Variants in RGL1 observed in about 807,000 individuals in gnomAD.
The protein encoded by RGL1 is ral guanine nucleotide dissociation stimulator like 1.
RGL1 carries 24 observed loss-of-function variants against 95.2 expected under a neutral mutation model. The observed-to-expected ratio is 0.25, with a 90% CI of 0.18 to 0.35. RGL1 has a LOEUF of 0.35. RGL1 is among the 10% of genes least tolerant of loss of function. The pLI, the probability that RGL1 is intolerant of heterozygous loss-of-function variation, is 1.00. For missense variants in RGL1, 715 were observed against 936.3 expected (o/e 0.76, Z 3.08); for synonymous variants, 329 against 344.9 (o/e 0.95, Z 0.51).
At chr1:183,847,881 A>G (rs1664551452) in intron 3 of RGL1, 107 bp downstream of exon 3, 2 of 812,758 alleles carry the variant, frequency 2.5e-6, no homozygotes, top group Non-Finnish European at 4.0e-6. Context: ...GAGATATGTG[A>G]GGAAAGATTA....
intron 2 of RGL1, among the ~76,000 whole-genome samples, chr1:183,818,450 T>A (rs986272146): frequency 1.3e-5 from 2 of 152,266 alleles, no homozygotes; most frequent in African/African-American, 4.8e-5. Flanking sequence ...TGATGAATCC[T>A]ACTTAACCCT....
intron 1 of RGL1, among the ~76,000 whole-genome samples, chr1:183,703,842 G>A (rs1045324382): frequency 6.6e-6 from 1 of 152,182 alleles, no homozygotes; most frequent in African/African-American, 2.4e-5. Context: ...GGCAGATAGA[G>A]CAGGACTGGG....
chr1:183,857,378 A>G (rs1665222216), intron 3 of RGL1, among the ~76,000 whole-genome samples: 1 of 152,228 alleles, frequency 6.6e-6, no homozygotes, highest in South Asian at 2.1e-4. Flanking sequence ...TTACAGAACT[A>G]TAAAATAGTA....
At chr1:183,640,993 T>C (rs897116389) in intron 1 of RGL1, among the ~76,000 whole-genome samples, 8 of 152,254 alleles carry the variant, frequency 5.3e-5, no homozygotes, top group Admixed American at 5.2e-4. Flanking sequence ...ATCTTTGAAT[T>C]TATGAGTGTA....
chr1:183,906,779 T>C (rs1212398533), intron 13 of RGL1, among the ~76,000 whole-genome samples: 1 of 136,806 alleles, frequency 7.3e-6, no homozygotes, highest in African/African-American at 2.7e-5. Context: ...CAGAACTAAA[T>C]AGCCTCAATC....
At chr1:183,720,089 G>A (rs1466763891) in intron 1 of RGL1, among the ~76,000 whole-genome samples, 3 of 151,942 alleles carry the variant, frequency 2.0e-5, no homozygotes, top group African/African-American at 7.3e-5. Context: ...AAAAATTAGC[G>A]TTAAAAAAAT....
intron 1 of RGL1, among the ~76,000 whole-genome samples, chr1:183,735,084 T>A (rs941530613): frequency 2.6e-4 from 39 of 152,080 alleles, no homozygotes; most frequent in Non-Finnish European, 4.9e-4. Flanking sequence ...TTTTTAATTA[T>A]TAAAAACTTT....
chr1:183,709,042 A>T (rs1655100448), intron 1 of RGL1, among the ~76,000 whole-genome samples: 4 of 152,164 alleles, frequency 2.6e-5, no homozygotes. Context: ...GCACCAAATG[A>T]GACCGGGCAG....
intron 3 of RGL1, among the ~76,000 whole-genome samples, chr1:183,851,430 C>T (rs1346979555): frequency 6.6e-6 from 1 of 152,154 alleles, no homozygotes. Context: ...TTGGAATGCC[C>T]TCTGCATAAT....
intron 1 of RGL1, among the ~76,000 whole-genome samples, chr1:183,673,262 A>G (rs1652592159): frequency 6.6e-6 from 1 of 152,218 alleles, no homozygotes; most frequent in African/African-American, 2.4e-5. Flanking sequence ...TCAGACCTGG[A>G]CCAGTTTAAT....
intron 17 of RGL1, among the ~76,000 whole-genome samples, chr1:183,924,569 C>T (rs1669503048): frequency 6.6e-6 from 1 of 152,076 alleles, no homozygotes; most frequent in Non-Finnish European, 1.5e-5. Flanking sequence ...CACATATATA[C>T]CTGTGTAACA....
intron 2 of RGL1, among the ~76,000 whole-genome samples, chr1:183,799,158 T>C (rs2102398196): frequency 6.6e-6 from 1 of 152,276 alleles, no homozygotes; most frequent in Non-Finnish European, 1.5e-5. Flanking sequence ...TGCCTCGGCC[T>C]CCCAAAGTGC....
At chr1:183,779,376 G>A (rs1270885435) in intron 2 of RGL1, among the ~76,000 whole-genome samples, 1 of 152,014 alleles carries the variant, frequency 6.6e-6, no homozygotes, top group Non-Finnish European at 1.5e-5. Context: ...AGCCTCCTTA[G>A]TAGCTGGGAT....
intron 2 of RGL1, among the ~76,000 whole-genome samples, chr1:183,766,648 T>C (rs1354548943): frequency 6.6e-6 from 1 of 152,216 alleles, no homozygotes; most frequent in Non-Finnish European, 1.5e-5. Flanking sequence ...TCAGAACTTA[T>C]AAAAGTAAGT....
chr1:183,791,644 C>T (rs1341998448), intron 2 of RGL1, among the ~76,000 whole-genome samples: 1 of 152,122 alleles, frequency 6.6e-6, no homozygotes, highest in Non-Finnish European at 1.5e-5. Context: ...TTTTTTAAAA[C>T]TTTTCTATGT....
chr1:183,728,689 T>C (rs1656448830), intron 1 of RGL1, among the ~76,000 whole-genome samples: 1 of 152,152 alleles, frequency 6.6e-6, no homozygotes, highest in Admixed American at 6.6e-5. Context: ...CAAAACAATT[T>C]TGAGAAAGAA....
intron 2 of RGL1, among the ~76,000 whole-genome samples, chr1:183,843,230 T>C (rs1664185122): frequency 6.6e-6 from 1 of 152,236 alleles, no homozygotes; most frequent in South Asian, 2.1e-4. Flanking sequence ...TTTATGATAT[T>C]GTCATTGATG....
intron 2 of RGL1, among the ~76,000 whole-genome samples, chr1:183,830,773 A>T (rs933790037): frequency 6.6e-6 from 1 of 152,216 alleles, no homozygotes; most frequent in Non-Finnish European, 1.5e-5. Context: ...CAGAACAGTC[A>T]TTTTAATAAA....
At chr1:183,894,368 A>G (rs1379234905) in intron 9 of RGL1, among the ~76,000 whole-genome samples, 9 of 152,224 alleles carry the variant, frequency 5.9e-5, no homozygotes, top group Non-Finnish European at 1.3e-4. Context: ...TCTAAATTAA[A>G]TTTCTTATAG....
Sources: gnomAD v4.1 joint callset for allele counts (sites outside exome capture counted in the v4.1 genomes callset) on GRCh38, gnomAD v4.1.1 for gene constraint, MANE v1.5 for transcripts, NCBI Gene and HGNC (gene_info 2026-07-23, HGNC 2026-07-21) for gene names.